The following SULF2 variants were observed in gnomAD, a reference collection of about 807,000 sequenced individuals.
SULF2 encodes sulfatase 2.
In SULF2, 52 loss-of-function variants were observed where a neutral mutation model predicts 107.7. That is an observed-to-expected ratio of 0.48 (90% confidence interval 0.39 to 0.61). The LOEUF is 0.61. SULF2 is among the 20% of genes least tolerant of loss of function. The probability of loss-of-function intolerance (pLI) is 0.00; values close to 1 mark genes in which losing one functional copy is unlikely to be tolerated. For synonymous variants in SULF2, 460 were observed against 464.3 expected, an observed-to-expected ratio of 0.99 and a Z score of 0.12; for missense variants, 993 against 1,177.3, an observed-to-expected ratio of 0.84 and a Z score of 2.29.
intron 3 of SULF2, among the ~76,000 whole-genome samples, chr20:47,733,198 G>C (rs1239626567): frequency 6.6e-6 from 1 of 152,208 alleles, no homozygotes; most frequent in East Asian, 1.9e-4. Flanking sequence ...ACTACATGAA[G>C]GAGAAGAGAC....
At position 47,760,396 on chromosome 20, in the gene SULF2, T is replaced by TG. The variant is rs199579800; in HGVS notation, c.-100-2934dup. Among the ~76,000 whole-genome samples, 1,363 of 152,196 alleles carry TG rather than the reference T, an allele frequency of 9.0e-3. 24 individuals carry two copies. Among genetic ancestry groups the TG allele is most frequent in the African/African-American group, 0.031 (1,291 of 41,528 alleles). ...GCAGTAGCCTTCGTGTCTGTGTGTGTGGATGCAGCTCCTGCCTGGGGCCCC... is the reference window on the plus strand; with the variant it reads ...GCAGTAGCCTTCGTGTCTGTGTGTGTGGGATGCAGCTCCTGCCTGGGGCCCC... On this transcript the variant is annotated intron_variant, in intron 1 of 20. Coordinates refer to ENST00000688720, the MANE Select transcript of SULF2 (RefSeq NM_001387048.1).
At chr20:47,698,659 AT>A (rs2088465263) in intron 4 of SULF2, among the ~76,000 whole-genome samples, 1 of 152,014 alleles carries the variant, frequency 6.6e-6, no homozygotes, top group Non-Finnish European at 1.5e-5. Flanking sequence ...AGGTGAATAT[AT>A]TTCCTCTTTG....
intron 1 of SULF2, among the ~76,000 whole-genome samples, chr20:47,780,015 CTTT>C (rs74178766): frequency 4.1e-5 from 5 of 120,482 alleles, no homozygotes; most frequent in Admixed American, 8.9e-5. Context: ...CCCTAGTTGA[CTTT>C]TTTTTTTTTT....
Position 47,684,491 on chromosome 20 carries a change from G to T in SULF2, c.828C>A (p.Thr276=), listed in dbSNP as rs764885595. The T allele has an allele frequency of 1.2e-6, 2 of 1,614,074 alleles. No individual in the cohort carries two copies. The highest frequency in any genetic ancestry group is 1.7e-6 in the Non-Finnish European group (2 of 1,179,974). The change falls in exon 6 of 21, where the codon ACC becomes ACA. Residue 276 remains threonine, a synonymous_variant. Coordinates refer to ENST00000688720, the MANE Select transcript of SULF2 (RefSeq NM_001387048.1). The part of the protein sequence containing the change: ...GPMKPIHMEF[T]NMLQRKRLQT... Reference sequence around the variant, plus strand: ...GCAAGCGCTTCCGCTGGAGCATGTTGGTGAATTCCATGTGGATGGGCTTCA... The same window carrying T: ...GCAAGCGCTTCCGCTGGAGCATGTTTGTGAATTCCATGTGGATGGGCTTCA...
chr20:47,692,580 T>C (rs1307731339), intron 4 of SULF2, among the ~76,000 whole-genome samples: 1 of 151,860 alleles, frequency 6.6e-6, no homozygotes, highest in African/African-American at 2.4e-5. Context: ...CCAGCTAATT[T>C]TTCATTTTTA....
chr20:47,747,097 T>C (rs1290808394), intron 2 of SULF2, among the ~76,000 whole-genome samples: 2 of 150,182 alleles, frequency 1.3e-5, no homozygotes, highest in African/African-American at 4.9e-5. Flanking sequence ...GTGGCAACTC[T>C]TGCTGTGCCT....
intron 11 of SULF2, among the ~76,000 whole-genome samples, chr20:47,670,337 C>T (rs1022452392): frequency 2.0e-5 from 3 of 151,968 alleles, no homozygotes; most frequent in East Asian, 1.9e-4. Context: ...GGACTACAGG[C>T]GCCCACCACC....
chr20:47,748,063 C>T (rs914845691), intron 2 of SULF2, among the ~76,000 whole-genome samples: 16 of 152,196 alleles, frequency 1.1e-4, no homozygotes, highest in Non-Finnish European at 1.9e-4. Flanking sequence ...AGAACATGCA[C>T]GCATAGCTGA....
chr20:47,741,969 T>C (rs76798865), intron 2 of SULF2, among the ~76,000 whole-genome samples: 5,996 of 152,220 alleles, frequency 0.039, 136 homozygotes, highest in Non-Finnish European at 0.054. Context: ...TCCTCCTCAT[T>C]CCAGAGGAAG....
intron 1 of SULF2, among the ~76,000 whole-genome samples, chr20:47,760,642 T>C (rs1036892649): frequency 6.6e-6 from 1 of 152,182 alleles, no homozygotes; most frequent in East Asian, 1.9e-4. Context: ...CTGTATCCTA[T>C]GTCAGGCTGG....
At chr20:47,693,804 G>T (rs940541876) in intron 4 of SULF2, among the ~76,000 whole-genome samples, 5 of 152,226 alleles carry the variant, frequency 3.3e-5, no homozygotes, top group African/African-American at 1.2e-4. Flanking sequence ...GGTGGGTCAG[G>T]GGCTCCCACA....
intron 1 of SULF2, among the ~76,000 whole-genome samples, chr20:47,771,897 C>T (rs968419432): frequency 6.6e-6 from 1 of 152,190 alleles, no homozygotes; most frequent in Non-Finnish European, 1.5e-5. Flanking sequence ...GAATCAACTG[C>T]TGCTAGAGTT....
At chr20:47,672,019 T>C (rs2087491429) in intron 11 of SULF2, among the ~76,000 whole-genome samples, 179 bp downstream of exon 11, 1 of 152,192 alleles carries the variant, frequency 6.6e-6, no homozygotes, top group Non-Finnish European at 1.5e-5. Flanking sequence ...CTTATCTGTT[T>C]ATTACTACTG....
At chr20:47,754,276 CT>C (rs1478412633) in intron 2 of SULF2, among the ~76,000 whole-genome samples, 1 of 152,202 alleles carries the variant, frequency 6.6e-6, no homozygotes, top group Non-Finnish European at 1.5e-5. Context: ...GTCAAGAAGT[CT>C]CCAGCCCAGA....
At chr20:47,709,804 T>C (rs959712259) in intron 3 of SULF2, among the ~76,000 whole-genome samples, 4 of 150,586 alleles carry the variant, frequency 2.7e-5, no homozygotes, top group South Asian at 2.1e-4. Context: ...GTGGGAAAGA[T>C]AGAGACAGAG....
Position 47,661,907 on chromosome 20 carries a change from A to G in SULF2, c.2371-11T>C. On this transcript the variant is annotated splice_polypyrimidine_tract_variant and intron_variant, in intron 17 of 20. Transcript: ENST00000688720. Reference sequence around the variant, plus strand: ...CACTGCATTCATCAGCTGGTTGCAAAAAAGGTAGTCTGTCAACAAGGTAAG... The same window carrying G: ...CACTGCATTCATCAGCTGGTTGCAAGAAAGGTAGTCTGTCAACAAGGTAAG... 6.5e-7 allele frequency: 1 copy of G among 1,539,828 alleles called. No individual in the cohort carries two copies. The highest frequency in any genetic ancestry group is 8.8e-7 in the Non-Finnish European group (1 of 1,130,376).
At chr20:47,728,097 A>G (rs1313540762) in intron 3 of SULF2, among the ~76,000 whole-genome samples, 1 of 152,188 alleles carries the variant, frequency 6.6e-6, no homozygotes, top group African/African-American at 2.4e-5. Context: ...TGCTGTGAGC[A>G]GTGGATACAC....
chr20:47,727,411 C>A (rs1448912185), intron 3 of SULF2, among the ~76,000 whole-genome samples: 2 of 152,178 alleles, frequency 1.3e-5, no homozygotes, highest in African/African-American at 4.8e-5. Flanking sequence ...GCAAAGGACC[C>A]TCCCCTGAAG....
At chr20:47,778,391 G>T (rs75312420) in intron 1 of SULF2, among the ~76,000 whole-genome samples, 1 of 152,262 alleles carries the variant, frequency 6.6e-6, no homozygotes. Context: ...ATTCAAGCTG[G>T]GCCCAGGTGT....
Sources: gnomAD v4.1 joint callset for allele counts (sites outside exome capture counted in the v4.1 genomes callset) on GRCh38, gnomAD v4.1.1 for gene constraint, MANE v1.5 for transcripts, NCBI Gene and HGNC (gene_info 2026-07-23, HGNC 2026-07-21) for gene names.